The following ISL2 variants were observed in gnomAD, a reference collection of about 807,000 sequenced individuals.
The protein encoded by ISL2 is insulin gene enhancer protein ISL-2.
A neutral mutation model predicts 34.6 loss-of-function variants in ISL2; 17 were observed. The ratio of observed to expected loss-of-function variants is 0.49; its 90% confidence interval spans 0.34 to 0.74. The LOEUF (loss-of-function observed/expected upper bound fraction) is 0.74, where lower values mean the gene tolerates loss of function less well. Among genes scored for constraint, ISL2 ranks in the 30% least tolerant of loss-of-function variants. The probability of loss-of-function intolerance (pLI) is 0.01; values close to 1 mark genes in which losing one functional copy is unlikely to be tolerated. For missense variants in ISL2, 469 were observed against 515.2 expected (o/e 0.91, Z 0.87); for synonymous variants, 232 against 225.5 (o/e 1.03, Z -0.26).
At chr15:76,340,054 G>T (rs1453204667) in intron 3 of ISL2, 2 of 1,363,022 alleles carry the variant, frequency 1.5e-6, no homozygotes, top group East Asian at 5.7e-5. Flanking sequence ...GGGAGAGATC[G>T]CTGCGGGGCA....
chr15:76,336,825 C>T lies in ISL2; in HGVS notation c.-59C>T. The T allele has an allele frequency of 6.7e-7, 1 of 1,482,758 alleles. No individual in the cohort carries two copies. Among genetic ancestry groups the T allele is most frequent in the Non-Finnish European group, 9.4e-7 (1 of 1,060,956 alleles). 91.9% of individuals were successfully genotyped at this position (1,482,758 alleles called of 1,614,324 possible). Reference sequence around the variant, plus strand: ...TAGTTAGCAAAGAGCCGAGGCCGGGCGCGCGACCCTCGTCCTTCTGCCCCT... The same window carrying T: ...TAGTTAGCAAAGAGCCGAGGCCGGGTGCGCGACCCTCGTCCTTCTGCCCCT... On this transcript the variant is annotated 5_prime_UTR_variant, in exon 1 of 6. Transcript: ENST00000290759.
chr15:76,337,647 C>G (rs2040160872), intron 1 of ISL2, 131 bp from the exon 2 acceptor site: 2 of 785,406 alleles, frequency 2.5e-6, no homozygotes, highest in East Asian at 3.0e-5. Flanking sequence ...AGCTCATCAT[C>G]TTTCCTTATG....
intron 3 of ISL2, chr15:76,339,883 G>A (rs1566965250): frequency 1.9e-6 from 2 of 1,031,256 alleles, no homozygotes; most frequent in Non-Finnish European, 2.3e-6. Context: ...TCCCTCTCCA[G>A]AGTCCTGGGC....
At chr15:76,337,743 C>A in intron 1 of ISL2, 35 bp from the exon 2 acceptor site, 1 of 1,518,438 alleles carries the variant, frequency 6.6e-7, no homozygotes, top group Non-Finnish European at 8.9e-7. Context: ...TCCGGGCAGT[C>A]AGGCCTGACG....
intron 5 of ISL2, 63 bp downstream of exon 5, chr15:76,341,364 G>A: frequency 6.7e-7 from 1 of 1,486,654 alleles, no homozygotes; most frequent in Non-Finnish European, 9.1e-7. Flanking sequence ...TAGCCACTTA[G>A]CCTGGCAGAG....
At chr15:76,339,289 T>G (rs1272548775) in intron 3 of ISL2, 1 of 984,214 alleles carries the variant, frequency 1.0e-6, no homozygotes, top group Non-Finnish European at 1.2e-6. Context: ...CCTCTCTGGA[T>G]CTTCACTTCC....
chr15:76,340,273 C>A lies in ISL2; in HGVS notation c.512-3C>A. Reference sequence around the variant, plus strand: ...AACCTCTGGCCTCACCCTGTCCTGGCAGACGCTGGGTCGGGCCGGCAGCCC... The same window carrying A: ...AACCTCTGGCCTCACCCTGTCCTGGAAGACGCTGGGTCGGGCCGGCAGCCC... On this transcript the variant is annotated splice_polypyrimidine_tract_variant and splice_region_variant and intron_variant, in intron 3 of 5. Transcript: ENST00000290759. 2 of 1,594,776 alleles carry A rather than the reference C, an allele frequency of 1.3e-6. No individual in the cohort carries two copies. The highest frequency in any genetic ancestry group is 8.5e-7 in the Non-Finnish European group (1 of 1,172,676).
chr15:76,338,004 G>C (rs1291711697), intron 2 of ISL2, 37 bp downstream of exon 2: 2 of 1,516,814 alleles, frequency 1.3e-6, no homozygotes, highest in Admixed American at 2.0e-5. Context: ...GCCACCGCGC[G>C]CAGGGGCCGG....
intron 4 of ISL2, 94 bp downstream of exon 4, chr15:76,340,653 TC>T: frequency 7.9e-7 from 1 of 1,269,992 alleles, no homozygotes; most frequent in Non-Finnish European, 1.1e-6. Flanking sequence ...CCCTGGGAGA[TC>T]CAGGGAGAAC....
chr15:76,337,785 C>A lies in ISL2; in HGVS notation c.66C>A (p.Pro22=). 1 of 1,590,544 alleles carries A rather than the reference C, an allele frequency of 6.3e-7. No homozygotes were observed. The highest frequency in any genetic ancestry group is 8.6e-7 in the Non-Finnish European group (1 of 1,166,270). Reference sequence around the variant, plus strand: ...CGCGCCCTTCCCCGGCAGAGAAGCCCGGGACGGCCATGTGCGTGGGCTGCG... The same window carrying A: ...CGCGCCCTTCCCCGGCAGAGAAGCCAGGGACGGCCATGTGCGTGGGCTGCG... ...GAMGDHSKKK[P]GTAMCVGCGS... The change falls in exon 2 of 6, where the codon CCC becomes CCA. Residue 22 remains proline (P), a synonymous_variant. Coordinates refer to ENST00000290759, the MANE Select transcript of ISL2 (RefSeq NM_145805.3).
chr15:76,339,376 A>C, intron 3 of ISL2: 1 of 985,430 alleles, frequency 1.0e-6, no homozygotes, highest in Non-Finnish European at 1.2e-6. Flanking sequence ...CGTAGAGGGG[A>C]ACATAAACCG....
rs1302116285 is a variant in ISL2 at position 76,341,262 on chromosome 15, C to T, written c.924C>T (p.Ala308=). Residue 308 remains alanine, a synonymous_variant, in exon 5 of 6, where the codon GCC becomes GCT. Coordinates refer to ENST00000290759, the MANE Select transcript of ISL2 (RefSeq NM_145805.3). ...CGTGGAAGGCGCTCAGCGAGTTTGCCCTCCAGAGCGACCTGGACCAACCCG... is the reference window on the plus strand; with the variant it reads ...CGTGGAAGGCGCTCAGCGAGTTTGCTCTCCAGAGCGACCTGGACCAACCCG... The part of the protein sequence containing the change: ...QPPWKALSEF[A]LQSDLDQPAF... 6.8e-6 allele frequency: 11 copies of T among 1,609,592 alleles called. No homozygotes were observed. Among genetic ancestry groups the T allele is most frequent in the Non-Finnish European group, 8.5e-6 (10 of 1,178,504 alleles).
At chr15:76,340,086 A>C (rs1317943754) in intron 3 of ISL2, 190 bp from the exon 4 acceptor site, 2 of 1,400,598 alleles carry the variant, frequency 1.4e-6, no homozygotes, top group Non-Finnish European at 1.8e-6. Context: ...GAGCGAGAGA[A>C]AGAACGAAAA....
rs1408413805 is a variant in ISL2, at chr15:76,340,547, C to T, written c.783C>T (p.His261=). 2 of 1,607,246 alleles carry T rather than the reference C, an allele frequency of 1.2e-6. No homozygotes were observed. Among genetic ancestry groups the T allele is most frequent in the South Asian group, 1.1e-5 (1 of 90,858 alleles). Residue 261 remains histidine, a synonymous_variant, in exon 4 of 6, where the codon CAC becomes CAT. Transcript: ENST00000290759. ...TGAAGCAGCTGCAGCAGCAGCAGCA[C>T]AGCGACAAGACGGTGAGCAGCCGCT... The part of the protein sequence containing the change: ...ILMKQLQQQQ[H]SDKTSLQGLT...
At chr15:76,338,628 C>T (rs1399400357) in intron 3 of ISL2, 114 bp downstream of exon 3, 4 of 1,235,876 alleles carry the variant, frequency 3.2e-6, no homozygotes, top group East Asian at 3.5e-5. Flanking sequence ...TTCCGTCTGC[C>T]GGGATAGTGT....
chr15:76,337,391 G>A (rs2040158769), intron 1 of ISL2: 1 of 310,982 alleles, frequency 3.2e-6, no homozygotes, highest in Non-Finnish European at 5.8e-6. Flanking sequence ...GGCAGCCGCT[G>A]TGAGTGGGAG....
chr15:76,339,182 G>C (rs1266964787), intron 3 of ISL2: 2 of 985,262 alleles, frequency 2.0e-6, no homozygotes, highest in African/African-American at 1.7e-5. Flanking sequence ...CTCCACCCCA[G>C]GCAAGGCAGT....
Position 76,337,901 on chromosome 15 carries a change from A to C in ISL2, c.182A>C (p.Tyr61Ser). The change falls in exon 2 of 6, where the codon TAC (tyrosine) becomes TCC (serine). Residue 61 changes from tyrosine to serine, a missense_variant. Physicochemically the swap from Tyr to Ser is moderately radical, Grantham distance 144 (BLOSUM62 -2). Transcript: ENST00000290759. ...ACLKCAECSQ[Y>S]LDETCTCFVR... ...CTCAAGTGTGCCGAGTGCAGCCAGTACCTGGACGAGACGTGCACGTGCTTC... is the reference window on the plus strand; with the variant it reads ...CTCAAGTGTGCCGAGTGCAGCCAGTCCCTGGACGAGACGTGCACGTGCTTC... 1 of 1,612,564 alleles carries C rather than the reference A, an allele frequency of 6.2e-7. No individual in the cohort carries two copies. Among genetic ancestry groups the C allele is most frequent in the Non-Finnish European group, 8.5e-7 (1 of 1,179,570 alleles).
chr15:76,340,268 C>G lies in ISL2; in HGVS notation c.512-8C>G, dbSNP rs774378380. ...TCGCTAACCTCTGGCCTCACCCTGT[C>G]CTGGCAGACGCTGGGTCGGGCCGGC... On this transcript the variant is annotated splice_polypyrimidine_tract_variant and splice_region_variant and intron_variant, in intron 3 of 5. Coordinates refer to ENST00000290759, the MANE Select transcript of ISL2 (RefSeq NM_145805.3). 3 of 1,591,434 alleles carry G rather than the reference C, an allele frequency of 1.9e-6. No individual in the cohort carries two copies. Among genetic ancestry groups the G allele is most frequent in the Non-Finnish European group, 2.6e-6 (3 of 1,171,304 alleles).
Sources: gnomAD v4.1 joint callset for allele counts on GRCh38, gnomAD v4.1.1 for gene constraint, MANE v1.5 for transcripts, NCBI Gene and HGNC (gene_info 2026-07-23, HGNC 2026-07-21) for gene names.